Variants in NPY5R observed in about 807,000 individuals in gnomAD.
NPY5R encodes the protein neuropeptide Y receptor type 5.
Under a neutral mutation model 24.8 loss-of-function variants are expected in NPY5R, and 21 were observed. That is an observed-to-expected ratio of 0.85 (90% confidence interval 0.60 to 1.22). The LOEUF (loss-of-function observed/expected upper bound fraction) is 1.22. Among genes scored for constraint, NPY5R ranks in the 50% most tolerant of loss-of-function variants. The probability of loss-of-function intolerance (pLI) is 0.00; values close to 1 mark genes in which losing one functional copy is unlikely to be tolerated. For synonymous variants in NPY5R, 175 were observed against 183.0 expected, an observed-to-expected ratio of 0.96 and a Z score of 0.35; for missense variants, 481 against 521.3, an observed-to-expected ratio of 0.92 and a Z score of 0.75.
chr4:163,349,389 G>T, intron 3 of NPY5R: 1 of 766,200 alleles, frequency 1.3e-6, no homozygotes, highest in Non-Finnish European at 1.6e-6. Context: ...AAACAAGGTA[G>T]ATGGGTAGGC....
At position 163,351,419 on chromosome 4, in the gene NPY5R, G is replaced by A. The variant is rs1403665464; in HGVS notation, c.1146G>A (p.Met382Ile). The A allele has an allele frequency of 5.0e-6, 8 of 1,612,622 alleles. No individual in the cohort carries two copies. Among genetic ancestry groups the A allele is most frequent in the Non-Finnish European group, 6.8e-6 (8 of 1,178,948 alleles). Residue 382 changes from methionine to isoleucine, a missense_variant, in exon 4 of 4, where the codon ATG (methionine) becomes ATA (isoleucine). Physicochemically the swap from Met to Ile is conservative, Grantham distance 10. Coordinates refer to ENST00000338566, the MANE Select transcript of NPY5R (RefSeq NM_006174.4). ...ILILVFAVSW[M>I]PLHLFHVVTD... ...TATTAGTATTTGCTGTTAGTTGGAT[G>A]CCACTACACCTTTTCCATGTGGTAA...
At chr4:163,348,063 A>G (rs2110861088) in intron 3 of NPY5R, among the ~76,000 whole-genome samples, 1 of 152,328 alleles carries the variant, frequency 6.6e-6, no homozygotes, top group African/African-American at 2.4e-5. Context: ...AGTATTTGCC[A>G]TTTGGAAATT....
chr4:163,346,419 T>C (rs1419173730), intron 2 of NPY5R, among the ~76,000 whole-genome samples: 3 of 152,228 alleles, frequency 2.0e-5, no homozygotes, highest in Non-Finnish European at 4.4e-5. Flanking sequence ...CATAGCACCT[T>C]GCATTAGTCG....
chr4:163,351,574 C>G lies in NPY5R; in HGVS notation c.1301C>G (p.Ala434Gly), dbSNP rs745461284. 4.3e-6 allele frequency: 7 copies of G among 1,609,214 alleles called. No homozygotes were observed. The East Asian group carries it at 8.9e-5, about 21-fold the overall frequency. Residue 434 changes from alanine to glycine, a missense_variant, in exon 4 of 4, where the codon GCT (alanine) becomes GGT (glycine). By Grantham distance (60) the Ala-to-Gly change is moderately conservative. Coordinates refer to ENST00000338566, the MANE Select transcript of NPY5R (RefSeq NM_006174.4). ...GGGTTTCTTAATAATGGGATTAAAG[C>G]TGATTTAGTGTCCCTTATACACTGT... is the stretch of plus-strand genomic sequence containing the variant. ...LYGFLNNGIK[A>G]DLVSLIHCLH...
rs1186622967 is a variant in NPY5R, at chr4:163,350,570, G to C, written c.297G>C (p.Leu99=). The C allele has an allele frequency of 6.2e-7, 1 of 1,614,142 alleles. No individual in the cohort carries two copies. Among genetic ancestry groups the C allele is most frequent in the Non-Finnish European group, 8.5e-7 (1 of 1,180,026 alleles). ...LVVLFCSPFT[L]TSVLLDQWMF... ...TGCTGTTTTGCTCACCTTTCACACT[G>C]ACGTCTGTCTTGCTGGATCAGTGGA... Residue 99 remains leucine, a synonymous_variant, in exon 4 of 4, where the codon CTG becomes CTC. Transcript: ENST00000338566.
In NPY5R at chr4:163,343,966, G is replaced by A. The variant is rs975039419; in HGVS notation, c.-155G>A. 1 of 152,426 alleles carries A rather than the reference G, an allele frequency of 6.6e-6. No homozygotes were observed. The highest frequency in any genetic ancestry group is 2.4e-5 in the African/African-American group (1 of 41,460). 9.4% of individuals were successfully genotyped at this position (152,426 alleles called of 1,614,324 possible). A position where few individuals can be genotyped will look rare whatever the true frequency, so the allele number is the denominator to read the frequency against. On this transcript the variant is annotated 5_prime_UTR_variant, in exon 1 of 4. Coordinates refer to ENST00000338566, the MANE Select transcript of NPY5R (RefSeq NM_006174.4). ...CGATCGCGCTGGGCCGCGCTCCCGG[G>A]AGCCCAGGGCCTGCAGCGGCCGGGG...
intron 1 of NPY5R, chr4:163,345,429 T>G (rs911643749): frequency 6.6e-6 from 1 of 152,208 alleles, no homozygotes; most frequent in Non-Finnish European, 1.5e-5. Context: ...ATTAAAGTTC[T>G]GTGTTTCAGC....
At chr4:163,348,297 G>T (rs969165208) in intron 3 of NPY5R, among the ~76,000 whole-genome samples, 1 of 152,096 alleles carries the variant, frequency 6.6e-6, no homozygotes, top group Non-Finnish European at 1.5e-5. Flanking sequence ...TTGTTGGTTT[G>T]TGTTTTCTGT....
In NPY5R at chr4:163,350,480, G is replaced by A; in HGVS notation, c.207G>A (p.Lys69=). The A allele has an allele frequency of 2.5e-6, 4 of 1,614,058 alleles. No individual in the cohort carries two copies. Among genetic ancestry groups the A allele is most frequent in the Non-Finnish European group, 3.4e-6 (4 of 1,179,968 alleles). Residue 69 remains lysine (K), a synonymous_variant, in exon 4 of 4, where the codon AAG becomes AAA. Coordinates refer to ENST00000338566, the MANE Select transcript of NPY5R (RefSeq NM_006174.4). The part of the protein sequence containing the change: ...NLLILMALMK[K]RNQKTTVNFL... ...TTATTTTAATGGCTCTCATGAAAAA[G>A]CGTAATCAGAAGACTACGGTAAACT...
chr4:163,350,184 GT>G, intron 3 of NPY5R, 80 bp from the exon 4 acceptor site: 1 of 921,954 alleles, frequency 1.1e-6, no homozygotes, highest in South Asian at 2.2e-5. Context: ...GTAATATTTA[GT>G]TTCCCTCTGA....
At chr4:163,346,207 A>G (rs898285210) in intron 2 of NPY5R, among the ~76,000 whole-genome samples, 2 of 152,200 alleles carry the variant, frequency 1.3e-5, no homozygotes, top group African/African-American at 4.8e-5. Context: ...TTATCAATCT[A>G]TCAGTAGCTA....
intron 2 of NPY5R, among the ~76,000 whole-genome samples, chr4:163,346,917 T>G (rs931508598): frequency 3.9e-5 from 6 of 152,192 alleles, no homozygotes; most frequent in Non-Finnish European, 7.3e-5. Context: ...ATTGTCTGTC[T>G]AGGTATCTCC....
chr4:163,349,975 G>A (rs2110871794), intron 3 of NPY5R, among the ~76,000 whole-genome samples: 1 of 151,946 alleles, frequency 6.6e-6, no homozygotes, highest in South Asian at 2.1e-4. Flanking sequence ...GCAGTGGCGG[G>A]CGCCTGTAGT....
intron 3 of NPY5R, among the ~76,000 whole-genome samples, chr4:163,350,040 C>T (rs1735413726): frequency 7.0e-6 from 1 of 142,918 alleles, no homozygotes; most frequent in South Asian, 2.2e-4. Context: ...GGAGGCGGAG[C>T]TTGCAGTGAG....
chr4:163,349,485 T>C (rs1560869154), intron 3 of NPY5R: 1 of 183,814 alleles, frequency 5.4e-6, no homozygotes, highest in Non-Finnish European at 1.0e-5. Context: ...GAGGAGATCA[T>C]GTCCAGCCGA....
In NPY5R at chr4:163,351,283, T is replaced by A; in HGVS notation, c.1010T>A (p.Phe337Tyr). ...TTCATACCAGGGGTCCCCACTTGCT[T>A]TGAGATAAAACCTGAAGAAAATTCA... ...SKFIPGVPTC[F>Y]EIKPEENSDV... Residue 337 changes from phenylalanine (F) to tyrosine (Y), a missense_variant, in exon 4 of 4, where the codon TTT (phenylalanine) becomes TAT (tyrosine). Transcript: ENST00000338566. The A allele has an allele frequency of 6.2e-7, 1 of 1,613,986 alleles. No homozygotes were observed. Among genetic ancestry groups the A allele is most frequent in the South Asian group, 1.1e-5 (1 of 91,074 alleles).
Position 163,351,394 on chromosome 4 carries a change from T to A in NPY5R, c.1121T>A (p.Ile374Lys). 1 of 1,612,512 alleles carries A rather than the reference T, an allele frequency of 6.2e-7. No individual in the cohort carries two copies. The highest frequency in any genetic ancestry group is 8.5e-7 in the Non-Finnish European group (1 of 1,178,604). ...GTTTTCTACAGACTGACCATACTGA[T>A]ATTAGTATTTGCTGTTAGTTGGATG... ...RSVFYRLTILILVFAVSWMPL... is the reference protein window; with the variant it reads ...RSVFYRLTILKLVFAVSWMPL... Residue 374 changes from isoleucine to lysine, a missense_variant, in exon 4 of 4, where the codon ATA (isoleucine) becomes AAA (lysine). Physicochemically the swap from Ile to Lys is moderately radical, Grantham distance 102 (BLOSUM62 -3). Coordinates refer to ENST00000338566, the MANE Select transcript of NPY5R (RefSeq NM_006174.4).
At chr4:163,346,330 A>G (rs1178079459) in intron 2 of NPY5R, among the ~76,000 whole-genome samples, 1 of 152,098 alleles carries the variant, frequency 6.6e-6, no homozygotes, top group Admixed American at 6.5e-5. Flanking sequence ...TCATCATCCA[A>G]TTTGGGGCCT....
At position 163,351,306 on chromosome 4, in the gene NPY5R, T is replaced by C. The variant is rs753203361; in HGVS notation, c.1033T>C (p.Ser345Pro). 1.9e-6 allele frequency: 3 copies of C among 1,613,678 alleles called. No homozygotes were observed. The highest frequency in any genetic ancestry group is 1.7e-6 in the Non-Finnish European group (2 of 1,179,672). ...CTTTGAGATAAAACCTGAAGAAAAT[T>C]CAGATGTTCATGAATTGAGAGTAAA... ...TCFEIKPEEN[S>P]DVHELRVKRS... The change falls in exon 4 of 4, where the codon TCA becomes CCA. Residue 345 changes from serine to proline, a missense_variant. Coordinates refer to ENST00000338566, the MANE Select transcript of NPY5R (RefSeq NM_006174.4).
Sources: gnomAD v4.1 joint callset for allele counts (sites outside exome capture counted in the v4.1 genomes callset) on GRCh38, gnomAD v4.1.1 for gene constraint, MANE v1.5 for transcripts, NCBI Gene and HGNC (gene_info 2026-07-23, HGNC 2026-07-21) for gene names.